The following KCNC2 variants were observed in gnomAD, a reference collection of about 807,000 sequenced individuals.
KCNC2 encodes the protein potassium voltage-gated channel subfamily C member 2.
KCNC2 carries 21 observed loss-of-function variants against 44.5 expected under a neutral mutation model. The ratio of observed to expected loss-of-function variants is 0.47; its 90% confidence interval spans 0.33 to 0.68. The LOEUF (loss-of-function observed/expected upper bound fraction) is 0.68. Among genes scored for constraint, KCNC2 ranks in the 30% least tolerant of loss-of-function variants. The probability of loss-of-function intolerance (pLI) is 0.01; values close to 1 mark genes in which losing one functional copy is unlikely to be tolerated. For synonymous variants in KCNC2, 391 were observed against 339.1 expected (o/e 1.15, Z -1.68); for missense variants, 589 against 826.2 (o/e 0.71, Z 3.52).
In KCNC2 at chr12:75,207,287, C is replaced by T. The variant is rs780486763; in HGVS notation, c.687+10G>A. 175 of 1,528,126 alleles carry T rather than the reference C, an allele frequency of 1.1e-4. 1 individual carries two copies. The South Asian group carries it at 2.1e-3, about 18-fold the overall frequency. The allele number at this position is 1,528,126 out of a possible 1,614,324, so 94.7% of individuals were successfully genotyped here. ...TGAAGCAGCAGGGAAGGGGTCGATT[C>T]TGGCCTTACCCTGGCGGCTCTGGAC... is the stretch of plus-strand genomic sequence containing the variant. On this transcript the variant is annotated intron_variant, in intron 2 of 4. Transcript: ENST00000549446. The surrounding 1 kb of genome is among the most constrained non-coding windows in gnomAD (Gnocchi z 4.1).
chr12:75,181,163 A>G (rs74110450), intron 2 of KCNC2, among the ~76,000 whole-genome samples: 1,814 of 152,290 alleles, frequency 0.012, 30 homozygotes, highest in African/African-American at 0.041. Context: ...AGATCAATTC[A>G]TTTAAAATGC....
chr12:75,137,414 T>C (rs977508850), intron 2 of KCNC2, among the ~76,000 whole-genome samples: 1 of 152,210 alleles, frequency 6.6e-6, no homozygotes, highest in African/African-American at 2.4e-5. Context: ...CTGCAAATAC[T>C]GTATATATGT....
intron 2 of KCNC2, among the ~76,000 whole-genome samples, chr12:75,143,063 T>C (rs1026926085): frequency 6.6e-6 from 1 of 152,172 alleles, no homozygotes; most frequent in African/African-American, 2.4e-5. Flanking sequence ...TTCTGCATCC[T>C]CAGAATGGGT....
chr12:75,057,169 C>T (rs553861029), intron 2 of KCNC2, among the ~76,000 whole-genome samples: 11 of 151,890 alleles, frequency 7.2e-5, no homozygotes, highest in Non-Finnish European at 1.6e-4. Flanking sequence ...ATTTTATTAA[C>T]CCATAGAACT....
At chr12:75,159,369 C>G (rs1890973225) in intron 2 of KCNC2, among the ~76,000 whole-genome samples, 1 of 143,970 alleles carries the variant, frequency 6.9e-6, no homozygotes, top group South Asian at 2.4e-4. Flanking sequence ...TTGCTGCTCC[C>G]CCAATAAAAG....
intron 2 of KCNC2, among the ~76,000 whole-genome samples, chr12:75,157,547 G>C (rs889255514): frequency 6.6e-6 from 1 of 151,800 alleles, no homozygotes; most frequent in Non-Finnish European, 1.5e-5. Context: ...TTGGACCTGT[G>C]CGTCTTTAAA....
At position 75,040,149 on chromosome 12, in the gene KCNC2, A is replaced by T. The variant is rs1295335216; in HGVS notation, c.*2956T>A. On this transcript the variant is annotated 3_prime_UTR_variant, in exon 5 of 5. Coordinates refer to ENST00000549446, the MANE Select transcript of KCNC2 (RefSeq NM_139137.4). Reference sequence around the variant, plus strand: ...TCATTTGCCTTTTATTCTTCATTTCAGTTAGTTACATTTCCACTGGTTATC... The same window carrying T: ...TCATTTGCCTTTTATTCTTCATTTCTGTTAGTTACATTTCCACTGGTTATC... 6.6e-6 allele frequency: 1 copy of T among 152,076 alleles called. No individual in the cohort carries two copies. The highest frequency in any genetic ancestry group is 1.5e-5 in the Non-Finnish European group (1 of 67,966). The allele number at this position is 152,076 out of a possible 1,614,324, so 9.4% of individuals were successfully genotyped here. A position where few individuals can be genotyped will look rare whatever the true frequency, so the allele number is the denominator to read the frequency against.
chr12:75,182,714 C>T (rs930903444), intron 2 of KCNC2, among the ~76,000 whole-genome samples: 1 of 152,052 alleles, frequency 6.6e-6, no homozygotes, highest in African/African-American at 2.4e-5. Context: ...ATGTTAACAC[C>T]TCCAGCAGGG....
At chr12:75,097,171 C>G (rs1254301305) in intron 2 of KCNC2, among the ~76,000 whole-genome samples, 1 of 151,968 alleles carries the variant, frequency 6.6e-6, no homozygotes, top group Non-Finnish European at 1.5e-5. Context: ...TACTGTATGA[C>G]CCTAACCATA....
At chr12:75,190,234 T>G (rs1235836368) in intron 2 of KCNC2, among the ~76,000 whole-genome samples, 1 of 152,178 alleles carries the variant, frequency 6.6e-6, no homozygotes, top group Non-Finnish European at 1.5e-5. Flanking sequence ...TAGGCCCTCT[T>G]TCAATAGCTC....
rs1880014897 is a variant in KCNC2, at chr12:75,042,411, T to C, written c.*694A>G. ...CAACCAGAGACATTCAGAACTCCAATACAGCATTTTTGAAGAAAAGTAAAT... is the reference window on the plus strand; with the variant it reads ...CAACCAGAGACATTCAGAACTCCAACACAGCATTTTTGAAGAAAAGTAAAT... On this transcript the variant is annotated 3_prime_UTR_variant, in exon 5 of 5. Coordinates refer to ENST00000549446, the MANE Select transcript of KCNC2 (RefSeq NM_139137.4). 5 of 1,591,878 alleles carry C rather than the reference T, an allele frequency of 3.1e-6. No individual in the cohort carries two copies. The African/African-American group carries it at 4.1e-5, about 13-fold the overall frequency.
At position 75,041,361 on chromosome 12, in the gene KCNC2, A is replaced by T. The variant is rs1879883205; in HGVS notation, c.*1744T>A. The T allele has an allele frequency of 6.9e-7, 1 of 1,446,268 alleles. No individual in the cohort carries two copies. Among genetic ancestry groups the T allele is most frequent in the Non-Finnish European group, 9.1e-7 (1 of 1,098,178 alleles). 89.6% of individuals were successfully genotyped at this position (1,446,268 alleles called of 1,614,324 possible). ...CTGGATAAATACATTGCTGTACAAC[A>T]TCTCCAACATGCAGGTCATGCTCTA... On this transcript the variant is annotated 3_prime_UTR_variant, in exon 5 of 5. Transcript: ENST00000549446.
At chr12:75,086,669 A>AT (rs1555208166) in intron 2 of KCNC2, among the ~76,000 whole-genome samples, 2 of 79,160 alleles carry the variant, frequency 2.5e-5, no homozygotes, top group African/African-American at 8.0e-5. Context: ...GCAAAAAAAA[A>AT]AAAAAAAAAA....
intron 3 of KCNC2, among the ~76,000 whole-genome samples, chr12:75,049,152 T>C (rs927571480): frequency 6.6e-6 from 1 of 152,154 alleles, no homozygotes; most frequent in Non-Finnish European, 1.5e-5. Context: ...AGCAATCTAC[T>C]AAATAAGCAT....
At chr12:75,150,077 C>T (rs1023166081) in intron 2 of KCNC2, among the ~76,000 whole-genome samples, 2 of 151,880 alleles carry the variant, frequency 1.3e-5, no homozygotes, top group African/African-American at 4.8e-5. Flanking sequence ...TATAAACTGA[C>T]ATTCTGCACC....
chr12:75,191,211 A>G (rs1338777214), intron 2 of KCNC2, among the ~76,000 whole-genome samples: 2 of 151,872 alleles, frequency 1.3e-5, no homozygotes, highest in Non-Finnish European at 2.9e-5. Context: ...AAACAAATGA[A>G]AAGGTACTAT....
At chr12:75,188,100 G>A (rs148066584) in intron 2 of KCNC2, among the ~76,000 whole-genome samples, 46 of 152,214 alleles carry the variant, frequency 3.0e-4, no homozygotes, top group South Asian at 2.3e-3. Context: ...CCCTTTCTTA[G>A]CCCTAGGACC....
At chr12:75,171,056 A>G (rs1593019385) in intron 2 of KCNC2, among the ~76,000 whole-genome samples, 1 of 118,200 alleles carries the variant, frequency 8.5e-6, no homozygotes, top group African/African-American at 4.1e-5. Context: ...ATGGCAGCTT[A>G]CTCCTTCAAA....
intron 3 of KCNC2, among the ~76,000 whole-genome samples, chr12:75,049,231 C>G (rs902304181): frequency 1.3e-5 from 2 of 152,082 alleles, no homozygotes; most frequent in Admixed American, 1.3e-4. Context: ...TTTCCATTTA[C>G]CTCATTAAAA....
Sources: allele counts gnomAD v4.1 joint callset (sites outside exome capture counted in the v4.1 genomes callset), GRCh38; gene constraint gnomAD v4.1.1; non-coding constraint Gnocchi (gnomAD v3.1); transcripts MANE v1.5; gene names NCBI Gene and HGNC (gene_info 2026-07-23, HGNC 2026-07-21).